Variants in TMEM117 observed in about 807,000 individuals in gnomAD.
The protein encoded by TMEM117 is transmembrane protein 117.
Under a neutral mutation model 52.4 loss-of-function variants are expected in TMEM117, and 27 were observed. The ratio of observed to expected loss-of-function variants is 0.51; its 90% CI spans 0.38 to 0.71. TMEM117 has a LOEUF of 0.71. Among genes scored for constraint, TMEM117 ranks in the 30% least tolerant of loss-of-function variants. TMEM117 has a pLI of 0.00. For missense variants in TMEM117, 556 were observed against 630.5 expected (o/e 0.88, Z 1.26); for synonymous variants, 215 against 206.3 (o/e 1.04, Z -0.36).
At chr12:43,921,143 T>C (rs1944687097) in intron 2 of TMEM117, among the ~76,000 whole-genome samples, 1 of 152,328 alleles carries the variant, frequency 6.6e-6, no homozygotes, top group African/African-American at 2.4e-5. Context: ...TTGGTACTTT[T>C]CTTACTAAGC....
chr12:44,101,597 G>C (rs548800806), intron 3 of TMEM117, among the ~76,000 whole-genome samples: 32 of 151,960 alleles, frequency 2.1e-4, no homozygotes, highest in Non-Finnish European at 4.0e-4. Context: ...GGGAAGAGCA[G>C]CTGTCCATTA....
At chr12:43,976,063 C>A (rs911884610) in intron 3 of TMEM117, among the ~76,000 whole-genome samples, 1 of 152,048 alleles carries the variant, frequency 6.6e-6, no homozygotes, top group Non-Finnish European at 1.5e-5. Flanking sequence ...AGTACCAGGA[C>A]TAAAATGAGA....
chr12:44,064,509 AGT>A (rs1167487797), intron 3 of TMEM117, among the ~76,000 whole-genome samples: 2 of 151,912 alleles, frequency 1.3e-5, no homozygotes, highest in Non-Finnish European at 2.9e-5. Flanking sequence ...TCTTTGAAGG[AGT>A]GTGTGTGTGT....
At chr12:44,046,960 G>A (rs1272682820) in intron 3 of TMEM117, among the ~76,000 whole-genome samples, 1 of 152,088 alleles carries the variant, frequency 6.6e-6, no homozygotes, top group East Asian at 1.9e-4. Context: ...TGAAGATTAT[G>A]TATGATCTTA....
At chr12:43,876,515 A>G (rs184108531) in intron 2 of TMEM117, among the ~76,000 whole-genome samples, 84 of 152,290 alleles carry the variant, frequency 5.5e-4, no homozygotes, top group Middle Eastern at 3.4e-3. Flanking sequence ...ATCTTGGACA[A>G]TTTATAGAAA....
chr12:44,147,015 T>G (rs1948652479), intron 4 of TMEM117, among the ~76,000 whole-genome samples: 1 of 152,190 alleles, frequency 6.6e-6, no homozygotes, highest in East Asian at 1.9e-4. Context: ...GGGTCCAGTT[T>G]CTTAGGCAGC....
At chr12:44,024,571 G>A (rs1045258094) in intron 3 of TMEM117, among the ~76,000 whole-genome samples, 1 of 145,418 alleles carries the variant, frequency 6.9e-6, no homozygotes, top group African/African-American at 2.5e-5. Context: ...AGGAAGGCAG[G>A]AAGGGAGAAA....
In TMEM117 at chr12:44,376,617, T is replaced by C; in HGVS notation, c.791T>C (p.Met264Thr). ...VMQDWEFPHF[M>T]GDVDVNLPGL... The stretch of plus-strand genomic sequence containing the variant: ...CAGGACTGGGAATTCCCACATTTCA[T>C]GGGAGATGTTGATGTAAATCTCCCT... The change falls in exon 7 of 8, where the codon ATG becomes ACG. Residue 264 changes from methionine (M) to threonine (T), a missense_variant. Coordinates refer to ENST00000266534, the MANE Select transcript of TMEM117 (RefSeq NM_032256.3). 1 of 1,607,846 alleles carries C rather than the reference T, an allele frequency of 6.2e-7. No individual in the cohort carries two copies. Among genetic ancestry groups the C allele is most frequent in the Non-Finnish European group, 8.5e-7 (1 of 1,177,940 alleles).
chr12:44,139,502 G>A (rs1267483273), intron 3 of TMEM117, among the ~76,000 whole-genome samples: 1 of 151,598 alleles, frequency 6.6e-6, no homozygotes, highest in Non-Finnish European at 1.5e-5. Flanking sequence ...CGTTTGTTAT[G>A]GATTTGATGG....
chr12:44,061,352 G>A (rs1947135532), intron 3 of TMEM117, among the ~76,000 whole-genome samples: 2 of 152,196 alleles, frequency 1.3e-5, no homozygotes, highest in African/African-American at 4.8e-5. Flanking sequence ...AAGACAGTAA[G>A]AGGGAGCTGT....
At chr12:44,216,243 C>T (rs910160528) in intron 5 of TMEM117, among the ~76,000 whole-genome samples, 4 of 151,672 alleles carry the variant, frequency 2.6e-5, no homozygotes, top group Admixed American at 1.3e-4. Flanking sequence ...CCTGACCTCG[C>T]GATCTGCCCG....
intron 5 of TMEM117, among the ~76,000 whole-genome samples, chr12:44,221,541 AC>A (rs1949788848): frequency 1.3e-5 from 2 of 152,204 alleles, no homozygotes; most frequent in Admixed American, 1.3e-4. Context: ...ATGAGCATCC[AC>A]CTAGCTGCTA....
intron 2 of TMEM117, among the ~76,000 whole-genome samples, chr12:43,847,503 G>C (rs1383537937): frequency 3.9e-5 from 6 of 152,190 alleles, no homozygotes; most frequent in Admixed American, 2.0e-4. Context: ...TCAAGGTTTG[G>C]AACAGTGGCC....
chr12:44,390,493 ATAT>A (rs1952155944), downstream of TMEM117, among the ~76,000 whole-genome samples: 1 of 152,152 alleles, frequency 6.6e-6, no homozygotes. Flanking sequence ...ACTTATAAAA[ATAT>A]TATTTGAGAA....
At chr12:44,211,068 C>A (rs542397850) in intron 4 of TMEM117, among the ~76,000 whole-genome samples, 2 of 152,206 alleles carry the variant, frequency 1.3e-5, no homozygotes, top group South Asian at 2.1e-4. Flanking sequence ...TAATATCTGA[C>A]ATGTTGAATG....
chr12:43,929,313 T>C (rs941547255), intron 2 of TMEM117, among the ~76,000 whole-genome samples: 1 of 152,200 alleles, frequency 6.6e-6, no homozygotes, highest in Non-Finnish European at 1.5e-5. Flanking sequence ...ATTTTATTAT[T>C]ACTACTATAC....
intron 6 of TMEM117, among the ~76,000 whole-genome samples, chr12:44,368,043 A>G (rs553178294): frequency 5.3e-5 from 8 of 152,046 alleles, no homozygotes; most frequent in Non-Finnish European, 1.0e-4. Context: ...CTGTTTCTTC[A>G]ATACAATCAT....
chr12:44,304,291 A>G (rs1007777243), intron 6 of TMEM117, among the ~76,000 whole-genome samples: 1 of 152,194 alleles, frequency 6.6e-6, no homozygotes, highest in Non-Finnish European at 1.5e-5. Context: ...GCACACATAG[A>G]GAGCATCTAG....
intron 4 of TMEM117, among the ~76,000 whole-genome samples, chr12:44,152,744 A>G (rs1319887880): frequency 1.5e-5 from 2 of 137,002 alleles, no homozygotes; most frequent in Non-Finnish European, 3.1e-5. Flanking sequence ...TATATTTATA[A>G]TTATATTTAT....
Sources: gnomAD v4.1 joint callset for allele counts (sites outside exome capture counted in the v4.1 genomes callset) on GRCh38, gnomAD v4.1.1 for gene constraint, MANE v1.5 for transcripts, NCBI Gene and HGNC (gene_info 2026-07-23, HGNC 2026-07-21) for gene names.